Variants in DPP6 observed in about 807,000 individuals in gnomAD.
DPP6 encodes A-type potassium channel modulatory protein DPP6.
DPP6 carries 69 observed loss-of-function variants against 122.6 expected under a neutral mutation model. That is an observed-to-expected ratio of 0.56 (90% CI 0.46 to 0.69). The LOEUF (loss-of-function observed/expected upper bound fraction) is 0.69. DPP6 is among the 30% of genes least tolerant of loss of function. The probability of loss-of-function intolerance (pLI) is 0.00; values close to 1 mark genes in which losing one functional copy is unlikely to be tolerated. For synonymous variants in DPP6, 418 were observed against 433.1 expected (o/e 0.97, Z 0.43); for missense variants, 928 against 1,116.9 (o/e 0.83, Z 2.41).
intron 7 of DPP6, among the ~76,000 whole-genome samples, chr7:154,716,131 G>A (rs1236541680): frequency 6.6e-6 from 1 of 152,094 alleles, no homozygotes. Context: ...CCCACCTCCA[G>A]ACTTCTGCCT....
chr7:154,184,759 G>A (rs1208836653), intron 1 of DPP6, among the ~76,000 whole-genome samples: 1 of 151,660 alleles, frequency 6.6e-6, no homozygotes, highest in African/African-American at 2.4e-5. Flanking sequence ...AAATTTCTGC[G>A]GGGAGGTTCA....
chr7:154,353,403 C>A (rs1811033887), intron 1 of DPP6, among the ~76,000 whole-genome samples: 1 of 152,016 alleles, frequency 6.6e-6, no homozygotes, highest in Admixed American at 6.6e-5. Flanking sequence ...ATAATGAACC[C>A]CTGCAAAGTG....
At chr7:153,797,212 A>G in the DPP6 span, among the ~76,000 whole-genome samples, 100 of 152,300 alleles carry the variant, frequency 6.6e-4, no homozygotes, top group African/African-American at 2.3e-3. Flanking sequence ...AAACTAAACC[A>G]CACCTCGATT....
chr7:154,828,467 T>A (rs985836109), intron 16 of DPP6, among the ~76,000 whole-genome samples: 1 of 152,178 alleles, frequency 6.6e-6, no homozygotes, highest in Non-Finnish European at 1.5e-5. Flanking sequence ...AAAGTCTTGT[T>A]CTCAAAAACT....
At chr7:153,957,370 G>A (rs752102202) in intron 1 of DPP6, among the ~76,000 whole-genome samples, 1 of 152,178 alleles carries the variant, frequency 6.6e-6, no homozygotes, top group Admixed American at 6.5e-5. Flanking sequence ...GCACTGTGGT[G>A]CCTGTTGTAT....
intron 1 of DPP6, among the ~76,000 whole-genome samples, chr7:154,291,191 G>GAC (rs1585844777): frequency 6.6e-6 from 1 of 152,216 alleles, no homozygotes; most frequent in East Asian, 1.9e-4. Context: ...GACCTATTGG[G>GAC]ACCTTTTACT....
At chr7:154,148,991 T>TAA (rs1796267372) in intron 1 of DPP6, among the ~76,000 whole-genome samples, 1 of 152,110 alleles carries the variant, frequency 6.6e-6, no homozygotes, top group Non-Finnish European at 1.5e-5. Context: ...AGATGGGGGT[T>TAA]TAGCTAGAAA....
chr7:154,860,651 G>A lies in DPP6; in HGVS notation c.1714+6824G>A, dbSNP rs1432796463. Reference sequence around the variant, plus strand: ...AGCATCATACAGAATCCTACAGCCTGTGGCCCTCAAAACCTGGGTCTTGTC... The same window carrying A: ...AGCATCATACAGAATCCTACAGCCTATGGCCCTCAAAACCTGGGTCTTGTC... On this transcript the variant is annotated intron_variant, in intron 17 of 25. Coordinates refer to ENST00000377770, the MANE Select transcript of DPP6 (RefSeq NM_130797.4). Among the ~76,000 whole-genome samples the A allele has an allele frequency of 3.9e-5, 6 of 152,246 alleles. No individual in the cohort carries two copies. The East Asian group carries it at 9.6e-4, about 24-fold the overall frequency.
At chr7:153,842,492 T>C in the DPP6 span, among the ~76,000 whole-genome samples, 3 of 152,094 alleles carry the variant, frequency 2.0e-5, no homozygotes, top group Non-Finnish European at 4.4e-5. Flanking sequence ...CATTCAATCT[T>C]TTCCTTTATG....
intron 8 of DPP6, among the ~76,000 whole-genome samples, chr7:154,762,238 C>T (rs182080954): frequency 8.2e-4 from 125 of 152,326 alleles, no homozygotes; most frequent in Admixed American, 7.1e-3. Flanking sequence ...GCCACATTCT[C>T]TTCATTCAAA....
chr7:153,828,389 A>G, the DPP6 span, among the ~76,000 whole-genome samples: 1 of 152,146 alleles, frequency 6.6e-6, no homozygotes, highest in East Asian at 1.9e-4. Flanking sequence ...ACACGCACAC[A>G]TGTAGCATTG....
At chr7:154,392,636 A>G (rs1336594983) in intron 1 of DPP6, among the ~76,000 whole-genome samples, 1 of 152,224 alleles carries the variant, frequency 6.6e-6, no homozygotes, top group Non-Finnish European at 1.5e-5. Flanking sequence ...GAGTTGAAGC[A>G]AAGCAGCATT....
intron 1 of DPP6, among the ~76,000 whole-genome samples, chr7:154,328,119 C>G (rs1270149943): frequency 7.2e-5 from 11 of 152,254 alleles, no homozygotes; most frequent in Non-Finnish European, 1.6e-4. Flanking sequence ...ACTCCAATAG[C>G]CAGAGACTAA....
chr7:153,871,413 A>C, the DPP6 span, among the ~76,000 whole-genome samples: 1 of 152,204 alleles, frequency 6.6e-6, no homozygotes, highest in Non-Finnish European at 1.5e-5. Flanking sequence ...CTGTGCTAGT[A>C]ATGAGCGAGG....
intron 5 of DPP6, among the ~76,000 whole-genome samples, chr7:154,636,816 C>T (rs1483389058): frequency 6.6e-6 from 1 of 152,132 alleles, no homozygotes; most frequent in Non-Finnish European, 1.5e-5. Flanking sequence ...AATGCATTTC[C>T]CTGTTCAAAG....
intron 7 of DPP6, among the ~76,000 whole-genome samples, chr7:154,696,468 G>T (rs1401915373): frequency 6.6e-6 from 1 of 152,196 alleles, no homozygotes; most frequent in Non-Finnish European, 1.5e-5. Flanking sequence ...TTGGATGATA[G>T]GTTATAGGAC....
chr7:154,797,868 G>A lies in DPP6; in HGVS notation c.1299+1985G>A, dbSNP rs146462721. Reference sequence around the variant, plus strand: ...TCTTAAAGATGGTACATCCTAGACAGGGAGATGAGATGTTCACGTTACATC... The same window carrying A: ...TCTTAAAGATGGTACATCCTAGACAAGGAGATGAGATGTTCACGTTACATC... On this transcript the variant is annotated intron_variant, in intron 12 of 25. Coordinates refer to ENST00000377770, the MANE Select transcript of DPP6 (RefSeq NM_130797.4). Among the ~76,000 whole-genome samples the A allele has an allele frequency of 3.0e-3, 462 of 152,344 alleles. 2 individuals carry two copies. The highest frequency in any genetic ancestry group is 0.014 in the Middle Eastern group (4 of 294).
intron 1 of DPP6, among the ~76,000 whole-genome samples, chr7:154,347,716 A>G (rs1810514522): frequency 6.6e-6 from 1 of 152,204 alleles, no homozygotes; most frequent in Admixed American, 6.5e-5. Context: ...TTTAGCAACA[A>G]TGGTAGCAGG....
intron 6 of DPP6, among the ~76,000 whole-genome samples, chr7:154,654,575 C>T (rs935638829): frequency 3.3e-5 from 5 of 151,856 alleles, no homozygotes; most frequent in African/African-American, 1.2e-4. Flanking sequence ...CATGCCACCA[C>T]ACCCAGCTAA....
Sources: gnomAD v4.1 joint callset for allele counts (sites outside exome capture counted in the v4.1 genomes callset) on GRCh38, gnomAD v4.1.1 for gene constraint, MANE v1.5 for transcripts, NCBI Gene and HGNC (gene_info 2026-07-23, HGNC 2026-07-21) for gene names.